Variants in DPYD observed in about 807,000 individuals in gnomAD.
DPYD encodes the protein dihydropyrimidine dehydrogenase [NADP(+)].
A neutral mutation model predicts 116.2 loss-of-function variants in DPYD; 109 were observed. That is an observed-to-expected ratio of 0.94 (90% CI 0.80 to 1.10). The LOEUF (loss-of-function observed/expected upper bound fraction) is 1.10. Among genes scored for constraint, DPYD ranks in the 50% least tolerant of loss-of-function variants. The probability of loss-of-function intolerance (pLI) is 0.00; values close to 1 mark genes in which losing one functional copy is unlikely to be tolerated. For synonymous variants in DPYD, 440 were observed against 432.0 expected (o/e 1.02, Z -0.23); for missense variants, 1,302 against 1,254.5 (o/e 1.04, Z -0.57).
chr1:97,569,167 A>G (rs183150633), intron 11 of DPYD, among the ~76,000 whole-genome samples: 64 of 152,052 alleles, frequency 4.2e-4, no homozygotes, highest in Admixed American at 1.9e-3. Flanking sequence ...AGATTAGTGA[A>G]AGGGTGGAAG....
At chr1:97,290,519 A>G (rs2100981169) in intron 18 of DPYD, among the ~76,000 whole-genome samples, 1 of 152,272 alleles carries the variant, frequency 6.6e-6, no homozygotes, top group African/African-American at 2.4e-5. Context: ...CAGAGCCCTC[A>G]GAAATAACAC....
intron 19 of DPYD, among the ~76,000 whole-genome samples, chr1:97,202,577 C>A (rs1490062010): frequency 6.6e-6 from 1 of 152,126 alleles, no homozygotes; most frequent in Admixed American, 6.6e-5. Context: ...TTCTCAAAGG[C>A]AGCATATGAT....
chr1:97,384,551 T>G (rs1360612714), intron 14 of DPYD, among the ~76,000 whole-genome samples: 1 of 152,066 alleles, frequency 6.6e-6, no homozygotes, highest in Non-Finnish European at 1.5e-5. Context: ...CTAACCCTTT[T>G]AAGAAGATTA....
intron 16 of DPYD, among the ~76,000 whole-genome samples, chr1:97,371,702 T>C (rs2101503731): frequency 6.6e-6 from 1 of 152,366 alleles, no homozygotes; most frequent in South Asian, 2.1e-4. Flanking sequence ...TTAAAATATG[T>C]TGGAACAAAA....
At chr1:97,747,784 T>C (rs1263276113) in intron 3 of DPYD, among the ~76,000 whole-genome samples, 1 of 152,196 alleles carries the variant, frequency 6.6e-6, no homozygotes. Flanking sequence ...AGAGTACAAG[T>C]GCTGGTGCTT....
intron 2 of DPYD, among the ~76,000 whole-genome samples, chr1:97,833,919 C>A (rs10747488): frequency 0.73 from 110,340 of 151,860 alleles, 40,452 homozygotes; most frequent in East Asian, 0.93. Flanking sequence ...TGATCCTTTT[C>A]CTTAAAAAAT....
intron 12 of DPYD, among the ~76,000 whole-genome samples, chr1:97,517,499 A>G (rs1467934016): frequency 3.9e-5 from 6 of 152,116 alleles, no homozygotes; most frequent in Non-Finnish European, 8.8e-5. Flanking sequence ...GAAGTATGGA[A>G]AGTATTATCA....
At chr1:97,561,938 A>G (rs1570963572) in intron 11 of DPYD, among the ~76,000 whole-genome samples, 1 of 152,314 alleles carries the variant, frequency 6.6e-6, no homozygotes. Flanking sequence ...ATGTTACACC[A>G]GAAATTTATC....
intron 20 of DPYD, among the ~76,000 whole-genome samples, chr1:97,122,797 A>G (rs1652550777): frequency 6.6e-6 from 1 of 151,936 alleles, no homozygotes. Flanking sequence ...TCTTCTCTTT[A>G]CTCCTTGCTA....
intron 14 of DPYD, among the ~76,000 whole-genome samples, chr1:97,421,832 G>A (rs1674602344): frequency 6.6e-6 from 1 of 152,176 alleles, no homozygotes; most frequent in South Asian, 2.1e-4. Context: ...CATGGCAAGA[G>A]CATTAGGAAG....
intron 8 of DPYD, among the ~76,000 whole-genome samples, chr1:97,629,761 C>T (rs1044942483): frequency 5.9e-5 from 9 of 151,860 alleles, no homozygotes; most frequent in Non-Finnish European, 1.2e-4. Context: ...GCAAATTCTA[C>T]GAGTGGATTT....
At chr1:97,773,565 A>G (rs1571334498) in intron 3 of DPYD, among the ~76,000 whole-genome samples, 1 of 152,248 alleles carries the variant, frequency 6.6e-6, no homozygotes, top group South Asian at 2.1e-4. Context: ...AAAAACCCCG[A>G]GACACGAGGA....
chr1:97,677,080 A>C (rs1418561625), intron 8 of DPYD, among the ~76,000 whole-genome samples: 1 of 152,230 alleles, frequency 6.6e-6, no homozygotes, highest in Non-Finnish European at 1.5e-5. Context: ...ATAGTATAAA[A>C]TTAAATTAAA....
At chr1:97,661,892 A>G (rs1659279938) in intron 8 of DPYD, among the ~76,000 whole-genome samples, 1 of 151,954 alleles carries the variant, frequency 6.6e-6, no homozygotes, top group Admixed American at 6.6e-5. Flanking sequence ...ATACATACAT[A>G]CACACGTGTA....
intron 8 of DPYD, among the ~76,000 whole-genome samples, chr1:97,671,895 C>T (rs1199747550): frequency 2.1e-5 from 3 of 145,946 alleles, no homozygotes; most frequent in Non-Finnish European, 4.5e-5. Flanking sequence ...TTTCTTTTGT[C>T]TTCTTTTTTT....
At chr1:97,277,610 C>G (rs982026239) in intron 18 of DPYD, among the ~76,000 whole-genome samples, 2 of 152,054 alleles carry the variant, frequency 1.3e-5, no homozygotes, top group Non-Finnish European at 2.9e-5. Flanking sequence ...TCAGTTAATC[C>G]CATTGACCTT....
chr1:97,349,875 C>T (rs1400537693), intron 16 of DPYD, among the ~76,000 whole-genome samples: 1 of 148,042 alleles, frequency 6.8e-6, no homozygotes, highest in Non-Finnish European at 1.5e-5. Flanking sequence ...AATGGGATGG[C>T]TGTGTCAAAT....
chr1:97,736,312 C>A (rs1398027163), intron 4 of DPYD, among the ~76,000 whole-genome samples: 2 of 151,288 alleles, frequency 1.3e-5, no homozygotes, highest in Non-Finnish European at 2.9e-5. Flanking sequence ...TCATTGCCAA[C>A]CCTGAATTCT....
At chr1:97,087,161 C>T (rs1048960253) in intron 21 of DPYD, among the ~76,000 whole-genome samples, 2 of 152,116 alleles carry the variant, frequency 1.3e-5, no homozygotes. Flanking sequence ...GATTTGTTTC[C>T]ATCTTTTCCC....
Sources: allele counts gnomAD v4.1 joint callset (sites outside exome capture counted in the v4.1 genomes callset), GRCh38; gene constraint gnomAD v4.1.1; transcripts MANE v1.5; gene names NCBI Gene and HGNC (gene_info 2026-07-23, HGNC 2026-07-21).